The following CHN1 variants were observed in gnomAD, a reference collection of about 807,000 sequenced individuals.
CHN1 encodes chimerin 1.
Under a neutral mutation model 59.5 loss-of-function variants are expected in CHN1, and 37 were observed. The ratio of observed to expected loss-of-function variants is 0.62; its 90% confidence interval spans 0.48 to 0.82. The LOEUF (loss-of-function observed/expected upper bound fraction) is 0.82. CHN1 is among the 40% of genes least tolerant of loss of function. CHN1 has a pLI of 0.00. For synonymous variants in CHN1, 206 were observed against 200.4 expected (o/e 1.03, Z -0.24); for missense variants, 469 against 571.0 (o/e 0.82, Z 1.82).
chr2:174,977,969 C>G lies in CHN1; in HGVS notation c.20-25767G>C, dbSNP rs561743613. On this transcript the variant is annotated intron_variant, in intron 1 of 12. Coordinates refer to ENST00000409900, the MANE Select transcript of CHN1 (RefSeq NM_001822.7). ...CTATTAAAAACAGGTAAATTGTTTT[C>G]TTTGTTCTGTGGAAGACCTCTAAGA... 4.6e-5 allele frequency among the ~76,000 whole-genome samples: 7 copies of G among 152,100 alleles called. No homozygotes were observed. The East Asian group carries it at 7.7e-4, about 17-fold the overall frequency.
At chr2:174,998,836 G>A (rs918674841) in intron 1 of CHN1, among the ~76,000 whole-genome samples, 58 of 152,060 alleles carry the variant, frequency 3.8e-4, no homozygotes, top group African/African-American at 1.4e-3. Context: ...AAAGGTTCTT[G>A]GATATAAAAC....
In CHN1 at chr2:174,845,297, T is replaced by TAAAC. The variant is rs1686470628; in HGVS notation, c.627+1579_627+1582dup. 2.0e-5 allele frequency among the ~76,000 whole-genome samples: 3 copies of TAAAC among 152,292 alleles called. No individual in the cohort carries two copies. The South Asian group carries it at 6.2e-4, about 32-fold the overall frequency. On this transcript the variant is annotated intron_variant, in intron 7 of 12. Coordinates refer to ENST00000409900, the MANE Select transcript of CHN1 (RefSeq NM_001822.7). Reference sequence around the variant, plus strand: ...ATATATTTAAGATCTCAGCTATTTCTAAACAGTGTACATACAATTTCCTCT... The same window carrying TAAAC: ...ATATATTTAAGATCTCAGCTATTTCTAAACAAACAGTGTACATACAATTTCCTCT...
intron 5 of CHN1, among the ~76,000 whole-genome samples, chr2:174,910,114 A>G (rs779507607): frequency 8.5e-5 from 13 of 152,172 alleles, no homozygotes; most frequent in African/African-American, 2.2e-4. Context: ...ATTTTCCTCT[A>G]TTCTTTCAAT....
chr2:174,877,824 T>C lies in CHN1; in HGVS notation c.549+16A>G, dbSNP rs1388168945. The C allele has an allele frequency of 1.3e-6, 2 of 1,599,226 alleles. No individual in the cohort carries two copies. The highest frequency in any genetic ancestry group is 1.7e-6 in the Non-Finnish European group (2 of 1,171,734). ...CCAAACAGAAAAAGATAAAGTGTGGTTTCATAGTAGCTTACCCTTTTCTCT... is the reference window on the plus strand; with the variant it reads ...CCAAACAGAAAAAGATAAAGTGTGGCTTCATAGTAGCTTACCCTTTTCTCT... On this transcript the variant is annotated intron_variant, in intron 6 of 12. Transcript: ENST00000409900.
At chr2:174,952,270 A>T (rs1690046076) in intron 1 of CHN1, 68 bp from the exon 2 acceptor site, 5 of 945,606 alleles carry the variant, frequency 5.3e-6, no homozygotes, top group Non-Finnish European at 7.6e-6. Flanking sequence ...TTTAATCATT[A>T]ACTCATTTAA....
intron 6 of CHN1, among the ~76,000 whole-genome samples, chr2:174,869,700 G>T (rs985202677): frequency 4.6e-5 from 7 of 152,102 alleles, no homozygotes; most frequent in Admixed American, 3.9e-4. Context: ...TTGGAAACAT[G>T]GAGACATGGG....
rs1185245210 is a variant in CHN1 at position 174,945,135 on chromosome 2, CA to C, written c.59-193del. On this transcript the variant is annotated intron_variant, in intron 2 of 12. Transcript: ENST00000409900. ...AGTGAAAGCCCAGGAGCAATTCAAA[CA>C]GAAAAATCATAATCCAAACAAGTGT... The C allele has an allele frequency of 1.3e-5, 7 of 531,710 alleles. No individual in the cohort carries two copies. In the East Asian group the frequency reaches 1.5e-4, roughly 12 times the overall value. 32.9% of individuals were successfully genotyped at this position (531,710 alleles called of 1,614,324 possible).
chr2:174,968,505 C>G (rs1400766796), intron 1 of CHN1, among the ~76,000 whole-genome samples: 3 of 152,250 alleles, frequency 2.0e-5, no homozygotes, highest in African/African-American at 7.2e-5. Flanking sequence ...TGCTTGGCAT[C>G]TTTTAATTAA....
intron 7 of CHN1, among the ~76,000 whole-genome samples, chr2:174,826,912 T>G (rs1685702112): frequency 6.6e-6 from 1 of 152,198 alleles, no homozygotes; most frequent in South Asian, 2.1e-4. Flanking sequence ...AATGAAGGCA[T>G]CCTGAGCCAT....
intron 8 of CHN1, among the ~76,000 whole-genome samples, chr2:174,820,774 G>A (rs779232415): frequency 3.9e-5 from 6 of 152,150 alleles, no homozygotes; most frequent in South Asian, 2.1e-4. Context: ...GATTTAGTCC[G>A]ACTCCTACAG....
chr2:174,927,277 T>C (rs1689198804), intron 3 of CHN1, among the ~76,000 whole-genome samples: 2 of 152,188 alleles, frequency 1.3e-5, no homozygotes, highest in African/African-American at 4.8e-5. Flanking sequence ...AGACTGGTCT[T>C]GAACTCCTGG....
chr2:174,856,864 G>A (rs144888854), intron 6 of CHN1, among the ~76,000 whole-genome samples: 1 of 152,162 alleles, frequency 6.6e-6, no homozygotes, highest in Non-Finnish European at 1.5e-5. Flanking sequence ...CCTGCTGGCT[G>A]TATCAAGTGG....
Position 174,800,007 on chromosome 2 carries a change from A to T in CHN1, c.*109T>A. On this transcript the variant is annotated 3_prime_UTR_variant, in exon 13 of 13. Transcript: ENST00000409900. Reference sequence around the variant, plus strand: ...AAAGTTCCTTCACTTTAATCTGGTTATATGCCCAAACCTCTAATCAAGAAA... The same window carrying T: ...AAAGTTCCTTCACTTTAATCTGGTTTTATGCCCAAACCTCTAATCAAGAAA... The T allele has an allele frequency of 9.6e-7, 1 of 1,046,186 alleles. No individual in the cohort carries two copies. Among genetic ancestry groups the T allele is most frequent in the Non-Finnish European group, 1.4e-6 (1 of 699,280 alleles). The allele number at this position is 1,046,186 out of a possible 1,614,324, so 64.8% of individuals were successfully genotyped here.
chr2:174,988,242 A>G (rs527320746), intron 1 of CHN1, among the ~76,000 whole-genome samples: 1 of 151,866 alleles, frequency 6.6e-6, no homozygotes, highest in Non-Finnish European at 1.5e-5. Flanking sequence ...CTGTAGTCCC[A>G]GCTACACGGG....
intron 11 of CHN1, among the ~76,000 whole-genome samples, chr2:174,804,249 GA>G (rs1449157107): frequency 6.6e-6 from 1 of 152,132 alleles, no homozygotes; most frequent in African/African-American, 2.4e-5. Context: ...CCTGAGGGGA[GA>G]GTACGCCTAT....
intron 1 of CHN1, among the ~76,000 whole-genome samples, chr2:174,993,827 T>A (rs1691625941): frequency 6.6e-6 from 1 of 152,164 alleles, no homozygotes; most frequent in African/African-American, 2.4e-5. Context: ...GAGGCATTAA[T>A]AAATAACAGA....
chr2:174,880,720 A>T (rs1291419713), intron 5 of CHN1, among the ~76,000 whole-genome samples: 1 of 152,316 alleles, frequency 6.6e-6, no homozygotes, highest in East Asian at 1.9e-4. Flanking sequence ...AAGATAAAAC[A>T]GGTCAATACA....
At chr2:174,847,295 A>G in intron 6 of CHN1, 1 of 1,352,210 alleles carries the variant, frequency 7.4e-7, no homozygotes. Context: ...AGCACTTCTT[A>G]AACAGAGGTC....
In CHN1 at chr2:174,990,992, T is replaced by C. The variant is rs75107691; in HGVS notation, c.19+13902A>G. 7.9e-3 allele frequency among the ~76,000 whole-genome samples: 1,210 copies of C among 152,324 alleles called. 18 individuals are homozygous for C. Among genetic ancestry groups the C allele is most frequent in the African/African-American group, 0.028 (1,146 of 41,558 alleles). Reference sequence around the variant, plus strand: ...ACATTTTTTTCAGAATTAAATATTATAATAAGCAATAAGTGAAATGTCATA... The same window carrying C: ...ACATTTTTTTCAGAATTAAATATTACAATAAGCAATAAGTGAAATGTCATA... On this transcript the variant is annotated intron_variant, in intron 1 of 12. Transcript: ENST00000409900.
Sources: allele counts gnomAD v4.1 joint callset (sites outside exome capture counted in the v4.1 genomes callset), GRCh38; gene constraint gnomAD v4.1.1; transcripts MANE v1.5; gene names NCBI Gene and HGNC (gene_info 2026-07-23, HGNC 2026-07-21).